POU2F1: variants seen among roughly 807,000 people sequenced by gnomAD.
POU2F1 encodes POU class 2 homeobox 1.
Under a neutral mutation model 84.9 loss-of-function variants are expected in POU2F1, and 16 were observed. That is an observed-to-expected ratio of 0.19 (90% CI 0.13 to 0.29). The LOEUF (loss-of-function observed/expected upper bound fraction) is 0.29. POU2F1 is among the 10% of genes least tolerant of loss of function. The probability of loss-of-function intolerance (pLI) is 1.00; values close to 1 mark genes in which losing one functional copy is unlikely to be tolerated. For synonymous variants in POU2F1, 368 were observed against 368.3 expected (o/e 1.00, Z 0.01); for missense variants, 738 against 942.6 (o/e 0.78, Z 2.84).
At chr1:167,227,946 T>C (rs772198677) in intron 1 of POU2F1, among the ~76,000 whole-genome samples, 1 of 152,226 alleles carries the variant, frequency 6.6e-6, no homozygotes, top group African/African-American at 2.4e-5. Flanking sequence ...ATTTTCACAA[T>C]GGTTTAGTGA....
At chr1:167,383,674 T>G (rs1647734983) in intron 7 of POU2F1, 183 bp from the exon 8 acceptor site, 1 of 540,046 alleles carries the variant, frequency 1.9e-6, no homozygotes, top group African/African-American at 1.9e-5. Flanking sequence ...TTGTATATCT[T>G]CTCTTCCAAG....
rs187537296 is a variant in POU2F1, at chr1:167,240,476, A to G, written c.61+19518A>G. Among the ~76,000 whole-genome samples the G allele has an allele frequency of 1.4e-4, 21 of 152,286 alleles. No homozygotes were observed. The East Asian group carries it at 3.9e-3, about 28-fold the overall frequency. ...ACTCGTGGGTAATTTTACTACTTTA[A>G]AGGTGGAAAAAATATTTAAAATAAT... is the stretch of plus-strand genomic sequence containing the variant. On this transcript the variant is annotated intron_variant, in intron 1 of 15. Transcript: ENST00000367866.
intron 1 of POU2F1, among the ~76,000 whole-genome samples, chr1:167,238,435 A>G (rs1030650513): frequency 6.6e-6 from 1 of 152,214 alleles, no homozygotes; most frequent in East Asian, 1.9e-4. Context: ...TCCTGGTACT[A>G]AGATCAGAAG....
At chr1:167,284,186 T>C (rs1470106102) in intron 1 of POU2F1, among the ~76,000 whole-genome samples, 1 of 152,232 alleles carries the variant, frequency 6.6e-6, no homozygotes, top group South Asian at 2.1e-4. Flanking sequence ...TTAAAGCTAA[T>C]GTCCAAATGG....
chr1:167,271,607 A>G (rs1652370775), intron 1 of POU2F1, among the ~76,000 whole-genome samples: 1 of 152,212 alleles, frequency 6.6e-6, no homozygotes, highest in Non-Finnish European at 1.5e-5. Flanking sequence ...GATTTAAAAC[A>G]TTCAAGCTGT....
At chr1:167,264,950 G>A (rs894377221) in intron 1 of POU2F1, among the ~76,000 whole-genome samples, 1 of 152,048 alleles carries the variant, frequency 6.6e-6, no homozygotes, top group African/African-American at 2.4e-5. Flanking sequence ...TTTTCTCACA[G>A]ATACCCATGT....
In POU2F1 at chr1:167,273,001, G is replaced by A. The variant is rs115057563; in HGVS notation, c.61+52043G>A. ...TTAGTTACTTCCAAGATAACAACACGGGTACAGGCATTGAGTAAACACACC... is the reference window on the plus strand; with the variant it reads ...TTAGTTACTTCCAAGATAACAACACAGGTACAGGCATTGAGTAAACACACC... On this transcript the variant is annotated intron_variant, in intron 1 of 15. Transcript: ENST00000367866. 7.0e-3 allele frequency among the ~76,000 whole-genome samples: 1,060 copies of A among 152,290 alleles called. 8 individuals are homozygous for A. The highest frequency in any genetic ancestry group is 0.024 in the African/African-American group (1,006 of 41,548).
At chr1:167,399,793 C>T (rs1400306697) in intron 12 of POU2F1, among the ~76,000 whole-genome samples, 10 of 151,184 alleles carry the variant, frequency 6.6e-5, no homozygotes, top group Admixed American at 5.9e-4. Flanking sequence ...TGTGCCTTGG[C>T]CTCCCGAGTA....
At chr1:167,332,022 G>A (rs909074346) in intron 1 of POU2F1, among the ~76,000 whole-genome samples, 2 of 152,030 alleles carry the variant, frequency 1.3e-5, no homozygotes, top group African/African-American at 4.8e-5. Context: ...CTTTTATCAA[G>A]ATTACCAGTG....
rs1333067224 is a variant in POU2F1 at position 167,396,304 on chromosome 1, A to T, written c.1006A>T (p.Met336Leu). 1.2e-6 allele frequency: 2 copies of T among 1,613,896 alleles called. No homozygotes were observed. The highest frequency in any genetic ancestry group is 1.7e-6 in the Non-Finnish European group (2 of 1,179,982). ...GFTQGDVGLA[M>L]GKLYGNDFSQ... Reference sequence around the variant, plus strand: ...TGTGTAGGGTGATGTTGGGCTCGCTATGGGGAAACTATATGGAAATGACTT... The same window carrying T: ...TGTGTAGGGTGATGTTGGGCTCGCTTTGGGGAAACTATATGGAAATGACTT... Residue 336 changes from methionine to leucine, a missense_variant, in exon 10 of 16, where the codon ATG (methionine) becomes TTG (leucine). Coordinates refer to ENST00000367866, the MANE Select transcript of POU2F1 (RefSeq NM_002697.4).
At chr1:167,309,667 TA>T (rs1655324431) in intron 1 of POU2F1, among the ~76,000 whole-genome samples, 1 of 152,216 alleles carries the variant, frequency 6.6e-6, no homozygotes. Context: ...TATTCTTATT[TA>T]TTTTTAATTT....
At chr1:167,387,315 A>T in intron 8 of POU2F1, 1 of 440,220 alleles carries the variant, frequency 2.3e-6, no homozygotes, top group Non-Finnish European at 4.6e-6. Context: ...AGATGAAGTA[A>T]CAATGTGATA....
intron 1 of POU2F1, among the ~76,000 whole-genome samples, chr1:167,282,358 A>G (rs565374402): frequency 6.6e-6 from 1 of 152,094 alleles, no homozygotes; most frequent in South Asian, 2.1e-4. Flanking sequence ...GTTAGCCAGG[A>G]TGGTCTCGAT....
At chr1:167,404,985 G>T (rs1047283929) in intron 13 of POU2F1, among the ~76,000 whole-genome samples, 1 of 152,136 alleles carries the variant, frequency 6.6e-6, no homozygotes, top group African/African-American at 2.4e-5. Context: ...TATCTTCTAA[G>T]AAAAATCATG....
In POU2F1 at chr1:167,375,016, G is replaced by A. The variant is rs138332693; in HGVS notation, c.591+720G>A. 1.8e-3 allele frequency among the ~76,000 whole-genome samples: 269 copies of A among 150,948 alleles called. 6 individuals are homozygous for A. The highest frequency in any genetic ancestry group is 0.014 in the Admixed American group (219 of 15,212). ...CAGGAGGTGGAGCTTGCAGTGAGCCGAGATCGCGCCACTAAAAAAAAAAAA... is the reference window on the plus strand; with the variant it reads ...CAGGAGGTGGAGCTTGCAGTGAGCCAAGATCGCGCCACTAAAAAAAAAAAA... On this transcript the variant is annotated intron_variant, in intron 6 of 15. Transcript: ENST00000367866.
intron 1 of POU2F1, among the ~76,000 whole-genome samples, chr1:167,236,574 G>C (rs10737535): frequency 0.93 from 142,293 of 152,226 alleles, 67,222 homozygotes; most frequent in Non-Finnish European, 1. Flanking sequence ...ATTCTCTTTC[G>C]ACGTGTGCCT....
chr1:167,318,168 TTTTA>T (rs1656051857), intron 1 of POU2F1, among the ~76,000 whole-genome samples: 1 of 152,222 alleles, frequency 6.6e-6, no homozygotes, highest in African/African-American at 2.4e-5. Flanking sequence ...CTAGATGCTT[TTTTA>T]TTCTTTCCCA....
Position 167,416,087 on chromosome 1 carries a change from T to TAAAAAAAAAA in POU2F1, c.*287_*296dup, listed in dbSNP as rs34032944. 1.6e-4 allele frequency: 56 copies of TAAAAAAAAAA among 351,634 alleles called. No individual in the cohort carries two copies. Among genetic ancestry groups the TAAAAAAAAAA allele is most frequent in the East Asian group, 3.2e-4 (4 of 12,490 alleles). 21.8% of individuals were successfully genotyped at this position (351,634 alleles called of 1,614,324 possible). A position where few individuals can be genotyped will look rare whatever the true frequency, so the allele number is the denominator to read the frequency against. On this transcript the variant is annotated 3_prime_UTR_variant, in exon 16 of 16. Transcript: ENST00000367866. ...ATTGGAGAACTTTCTAACCAAAAAT[T>TAAAAAAAAAA]AAAAAAAAAAAAAAAAAAAGAAACA...
intron 1 of POU2F1, among the ~76,000 whole-genome samples, chr1:167,255,343 T>C (rs1359917888): frequency 6.6e-6 from 1 of 152,170 alleles, no homozygotes; most frequent in Non-Finnish European, 1.5e-5. Context: ...GTGGAACCCA[T>C]GAATCTATAG....
Sources: gnomAD v4.1 joint callset for allele counts (sites outside exome capture counted in the v4.1 genomes callset) on GRCh38, gnomAD v4.1.1 for gene constraint, MANE v1.5 for transcripts, NCBI Gene and HGNC (gene_info 2026-07-23, HGNC 2026-07-21) for gene names.